The following PBRM1 variants were observed in gnomAD, a reference collection of about 807,000 sequenced individuals.
The protein encoded by PBRM1 is protein polybromo-1.
PBRM1 carries 27 observed loss-of-function variants against 194.5 expected under a neutral mutation model. The observed-to-expected ratio is 0.14, with a 90% CI of 0.10 to 0.19. The LOEUF is 0.19. PBRM1 is among the 10% of genes least tolerant of loss of function. The pLI is 1.00. For synonymous variants in PBRM1, 655 were observed against 693.2 expected (o/e 0.94, Z 0.87); for missense variants, 1,466 against 2,077.2 (o/e 0.71, Z 5.72).
At chr3:52,610,393 A>C (rs1314395208) in intron 15 of PBRM1, among the ~76,000 whole-genome samples, 1 of 152,232 alleles carries the variant, frequency 6.6e-6, no homozygotes, top group East Asian at 1.9e-4. Flanking sequence ...CATACAAACA[A>C]ACACACAAAT....
chr3:52,587,229 A>T, intron 19 of PBRM1, 124 bp downstream of exon 21: 1 of 763,378 alleles, frequency 1.3e-6, no homozygotes, highest in Non-Finnish European at 2.2e-6. Flanking sequence ...ATAGCTATAT[A>T]GACACGGCTT....
chr3:52,592,463 A>G (rs2093180747), intron 17 of PBRM1, among the ~76,000 whole-genome samples: 1 of 152,196 alleles, frequency 6.6e-6, no homozygotes, highest in African/African-American at 2.4e-5. Context: ...GATGAATCAC[A>G]TTTATTGATT....
chr3:52,656,909 A>AAACAC (rs1299957743), intron 5 of PBRM1, among the ~76,000 whole-genome samples: 44 of 142,134 alleles, frequency 3.1e-4, no homozygotes, highest in African/African-American at 9.4e-4. Context: ...AAACAAAACA[A>AAACAC]AACACCCCAA....
intron 16 of PBRM1, among the ~76,000 whole-genome samples, chr3:52,605,637 T>C (rs914416858): frequency 6.7e-6 from 1 of 149,888 alleles, no homozygotes; most frequent in African/African-American, 2.5e-5. Flanking sequence ...AGTTTCGTTC[T>C]TGTTGCCCAG....
chr3:52,586,099 C>A, intron 20 of PBRM1: 1 of 180,184 alleles, frequency 5.5e-6, no homozygotes, highest in Admixed American at 5.6e-5. Context: ...CCACACCCAG[C>A]TAATTTTTGT....
chr3:52,608,007 C>A (rs1255593254), intron 16 of PBRM1, among the ~76,000 whole-genome samples: 1 of 152,184 alleles, frequency 6.6e-6, no homozygotes, highest in Non-Finnish European at 1.5e-5. Context: ...TTCATTTGAA[C>A]CCTACCTATC....
chr3:52,564,339 A>C lies in PBRM1; in HGVS notation c.3692-106T>G, dbSNP rs948412980. On this transcript the variant is annotated intron_variant, in intron 22 of 29. Transcript: ENST00000296302. ...GGATGAATACATTCATATAATTAAC[A>C]ATTTTAAAGATATGAAAGGGGCTAG... The C allele has an allele frequency of 3.6e-6, 3 of 829,486 alleles. No homozygotes were observed. In the African/African-American group the frequency reaches 5.2e-5, roughly 14 times the overall value. 51.4% of individuals were successfully genotyped at this position (829,486 alleles called of 1,614,324 possible). A position where few individuals can be genotyped will look rare whatever the true frequency, so the allele number is the denominator to read the frequency against.
At chr3:52,545,824 T>C (rs1487431613), downstream of PBRM1, 1 of 233,098 alleles carries the variant, frequency 4.3e-6, no homozygotes, top group African/African-American at 2.2e-5. Context: ...AAAAGGTGTA[T>C]AGTTTACTTG....
chr3:52,563,953 G>A (rs2084351493), intron 23 of PBRM1, 97 bp downstream of exon 25: 2 of 709,414 alleles, frequency 2.8e-6, no homozygotes, highest in Non-Finnish European at 4.7e-6. Context: ...TACTACTCTA[G>A]TTTAAGATCT....
At chr3:52,642,794 T>C (rs2096149559) in intron 9 of PBRM1, among the ~76,000 whole-genome samples, 1 of 151,746 alleles carries the variant, frequency 6.6e-6, no homozygotes, top group Non-Finnish European at 1.5e-5. Flanking sequence ...TTCAATTTTT[T>C]TTTTTTTTTT....
At chr3:52,563,217 T>C (rs2084126455) in intron 24 of PBRM1, 66 bp downstream of exon 26, 1 of 1,204,910 alleles carries the variant, frequency 8.3e-7, no homozygotes, top group Non-Finnish European at 1.2e-6. Flanking sequence ...CACTTTACTT[T>C]GGTTTTGAGT....
intron 25 of PBRM1, among the ~76,000 whole-genome samples, chr3:52,558,691 G>T (rs1052311310): frequency 6.6e-6 from 1 of 152,180 alleles, no homozygotes; most frequent in Non-Finnish European, 1.5e-5. Flanking sequence ...ATGTAAACAC[G>T]TCACCAGCAT....
rs2153424661 is a variant in PBRM1 at position 52,609,788 on chromosome 3, G to C, written c.2092C>G (p.Leu698Val). 1 of 1,611,306 alleles carries C rather than the reference G, an allele frequency of 6.2e-7. No homozygotes were observed. The highest frequency in any genetic ancestry group is 8.5e-7 in the Non-Finnish European group (1 of 1,179,298). The change falls in exon 16 of 30, where the codon CTG becomes GTG. Residue 698 changes from leucine (L) to valine (V), a missense_variant. Transcript: ENST00000296302. The surrounding 1 kb of genome is among the most constrained non-coding windows in gnomAD (Gnocchi z 4.1). The stretch of plus-strand genomic sequence containing the variant: ...ATGTCCATGGGCTTTTTAATAGTCA[G>C]ATAGTAGTCAGGCAACTCAGATCTA...
intron 14 of PBRM1, among the ~76,000 whole-genome samples, 165 bp from the exon 17 acceptor site, chr3:52,615,621 G>C (rs968369599): frequency 6.6e-6 from 1 of 152,190 alleles, no homozygotes; most frequent in East Asian, 1.9e-4. Context: ...ATCTGTGGGA[G>C]AGCCTAGGCC....
At chr3:52,673,014 T>TTTTG (rs1260705218) in intron 2 of PBRM1, among the ~76,000 whole-genome samples, 1 of 151,682 alleles carries the variant, frequency 6.6e-6, no homozygotes, top group East Asian at 2.0e-4. Flanking sequence ...TGAGACGGAG[T>TTTTG]TTTGCTCTTA....
downstream of PBRM1, chr3:52,547,919 C>T (rs576788015): frequency 9.7e-5 from 56 of 579,268 alleles, 1 homozygote; most frequent in South Asian, 1.2e-3. Context: ...TAAAAGTGTC[C>T]GTATATAAAA....
chr3:52,548,530 G>A lies in PBRM1; in HGVS notation c.4898-295C>T, dbSNP rs570485330. Among the ~76,000 whole-genome samples the A allele has an allele frequency of 4.1e-3, 629 of 151,872 alleles. 3 individuals are homozygous for A. Among genetic ancestry groups the A allele is most frequent in the Admixed American group, 7.3e-3 (111 of 15,256 alleles). On this transcript the variant is annotated intron_variant, in intron 29 of 29. Coordinates refer to ENST00000296302, the Ensembl canonical transcript of PBRM1. ...CAACCTCTACCTCCTGGGTTCAAGC[G>A]ATTCTCCTGCCTCAGGCTCCAGAGT...
intron 17 of PBRM1, among the ~76,000 whole-genome samples, chr3:52,589,676 C>T (rs940032381): frequency 5.3e-5 from 8 of 151,716 alleles, no homozygotes; most frequent in South Asian, 2.1e-4. Context: ...AGTTATTACA[C>T]GAATATGACA....
At chr3:52,644,855 T>G (rs2096243427) in intron 7 of PBRM1, 66 bp from the exon 9 acceptor site, 2 of 712,210 alleles carry the variant, frequency 2.8e-6, no homozygotes, top group Admixed American at 4.2e-5. Context: ...TGCCCCCAAC[T>G]CATGCAATGG....
Sources: gnomAD v4.1 joint callset for allele counts (sites outside exome capture counted in the v4.1 genomes callset) on GRCh38, gnomAD v4.1.1 for gene constraint, Gnocchi (gnomAD v3.1) non-coding constraint, MANE v1.5 for transcripts, NCBI Gene and HGNC (gene_info 2026-07-23, HGNC 2026-07-21) for gene names.